The following DRC10 variants were observed in gnomAD, a reference collection of about 807,000 sequenced individuals.
DRC10 encodes dynein regulatory complex subunit 10, also known as IQ domain-containing protein D.
the DRC10 span, among the ~76,000 whole-genome samples, chr12:113,220,257 A>T: frequency 3.9e-4 from 59 of 152,058 alleles, no homozygotes; most frequent in Admixed American, 1.2e-3. Flanking sequence ...AAAATTACCT[A>T]ATTTATTTAT....
At chr12:113,220,790 G>A in the DRC10 span, among the ~76,000 whole-genome samples, 3 of 152,104 alleles carry the variant, frequency 2.0e-5, no homozygotes, top group Non-Finnish European at 4.4e-5. Context: ...CATGAAGTGG[G>A]CAGGTAGAAG....
At chr12:113,208,366 C>A in the DRC10 span, 1 of 1,395,016 alleles carries the variant, frequency 7.2e-7, no homozygotes, top group African/African-American at 1.4e-5. Flanking sequence ...CTTAGGTCCT[C>A]TGTCGCTTTT....
the DRC10 span, among the ~76,000 whole-genome samples, chr12:113,217,520 C>G: frequency 6.6e-6 from 1 of 152,116 alleles, no homozygotes; most frequent in Admixed American, 6.6e-5. Flanking sequence ...TGCTTCCACT[C>G]ACATTTTTTG....
At chr12:113,210,158 T>C in the DRC10 span, among the ~76,000 whole-genome samples, 2 of 152,208 alleles carry the variant, frequency 1.3e-5, no homozygotes, top group South Asian at 2.1e-4. Flanking sequence ...GACAAATAAA[T>C]AACTGTTTCA....
chr12:113,209,083 C>T, the DRC10 span, among the ~76,000 whole-genome samples: 1 of 152,158 alleles, frequency 6.6e-6, no homozygotes, highest in African/African-American at 2.4e-5. Flanking sequence ...AGGTGCACAC[C>T]ACCACGCCTG....
At chr12:113,210,253 C>T in the DRC10 span, among the ~76,000 whole-genome samples, 3 of 152,172 alleles carry the variant, frequency 2.0e-5, no homozygotes, top group South Asian at 4.1e-4. Context: ...TGCACAGCCC[C>T]ACTTGGGTTC....
the DRC10 span, among the ~76,000 whole-genome samples, chr12:113,218,267 G>C: frequency 6.5e-4 from 99 of 151,922 alleles, no homozygotes; most frequent in Non-Finnish European, 1.3e-3. Flanking sequence ...CTCCCAAGTA[G>C]CTGGGATTAC....
At chr12:113,207,712 G>A in the DRC10 span, 43 of 1,614,076 alleles carry the variant, frequency 2.7e-5, no homozygotes, top group Non-Finnish European at 3.4e-5. Flanking sequence ...GACGTTCTTG[G>A]TGGAGTCTTT....
At chr12:113,199,496 G>C in the DRC10 span, among the ~76,000 whole-genome samples, 1 of 152,202 alleles carries the variant, frequency 6.6e-6, no homozygotes, top group Non-Finnish European at 1.5e-5. Flanking sequence ...CAGGGGGACT[G>C]GGCTCCCCAG....
the DRC10 span, among the ~76,000 whole-genome samples, chr12:113,215,957 T>C: frequency 6.6e-6 from 1 of 152,218 alleles, no homozygotes; most frequent in Admixed American, 6.5e-5. Context: ...ACAGTTGTTT[T>C]CTTACAAATT....
At chr12:113,200,907 G>A in the DRC10 span, 7 of 920,010 alleles carry the variant, frequency 7.6e-6, no homozygotes, top group African/African-American at 1.7e-5. Context: ...GGGAGGCTGA[G>A]GTGGGTGGGT....
At chr12:113,217,046 A>G in the DRC10 span, among the ~76,000 whole-genome samples, 6 of 152,142 alleles carry the variant, frequency 3.9e-5, no homozygotes, top group African/African-American at 1.2e-4. Flanking sequence ...CTGAGATTGC[A>G]CCACTGCACT....
chr12:113,195,821 C>A, the DRC10 span: 1 of 1,613,694 alleles, frequency 6.2e-7, no homozygotes, highest in Admixed American at 1.7e-5. Context: ...GCACTTTGTG[C>A]CTCCGCCTGA....
chr12:113,207,579 T>C, the DRC10 span: 3 of 1,614,204 alleles, frequency 1.9e-6, no homozygotes, highest in Non-Finnish European at 2.5e-6. Flanking sequence ...TGAGTAGTTT[T>C]TCAAACAGGA....
chr12:113,221,011 C>T, the DRC10 span: 13 of 393,044 alleles, frequency 3.3e-5, no homozygotes, highest in East Asian at 8.6e-4. Context: ...TCTGACCGCT[C>T]CAGGTTTCCC....
chr12:113,208,652 C>A, the DRC10 span: 1 of 157,724 alleles, frequency 6.3e-6, no homozygotes, highest in Non-Finnish European at 1.4e-5. Flanking sequence ...CCAGGGTCAC[C>A]CAGGGGAAGT....
chr12:113,200,134 C>T, the DRC10 span: 1 of 335,224 alleles, frequency 3.0e-6, no homozygotes, highest in Admixed American at 4.2e-5. Flanking sequence ...ACCATTAAGA[C>T]CAATGTTAGC....
the DRC10 span, among the ~76,000 whole-genome samples, chr12:113,215,359 T>C: frequency 6.6e-6 from 1 of 152,326 alleles, no homozygotes; most frequent in East Asian, 1.9e-4. Flanking sequence ...TGCTCAAAAG[T>C]GTTACGCTTT....
the DRC10 span, among the ~76,000 whole-genome samples, chr12:113,219,585 T>A: frequency 6.6e-6 from 1 of 152,212 alleles, no homozygotes; most frequent in African/African-American, 2.4e-5. Flanking sequence ...TTATGACACA[T>A]GATTTGCAAA....
Sources: gnomAD v4.1 joint callset for allele counts (sites outside exome capture counted in the v4.1 genomes callset) on GRCh38, gnomAD v4.1.1 for gene constraint, MANE v1.5 for transcripts, NCBI Gene and HGNC (gene_info 2026-07-23, HGNC 2026-07-21) for gene names.